PALLD: variants seen among roughly 807,000 people sequenced by gnomAD.
PALLD encodes the protein palladin.
PALLD carries 61 observed loss-of-function variants against 123.5 expected under a neutral mutation model. The ratio of observed to expected loss-of-function variants is 0.49; its 90% CI spans 0.40 to 0.61. The LOEUF is 0.61. Among genes scored for constraint, PALLD ranks in the 20% least tolerant of loss-of-function variants. The pLI, the probability that PALLD is intolerant of heterozygous loss-of-function variation, is 0.00. For synonymous variants in PALLD, 465 were observed against 496.4 expected, an observed-to-expected ratio of 0.94 and a Z score of 0.84; for missense variants, 1,273 against 1,377.0, an observed-to-expected ratio of 0.92 and a Z score of 1.20.
intron 10 of PALLD, among the ~76,000 whole-genome samples, chr4:168,856,314 T>C (rs532322986): frequency 3.3e-5 from 5 of 152,346 alleles, no homozygotes; most frequent in African/African-American, 7.2e-5. Flanking sequence ...AGTGTACATG[T>C]ACCATGTGGG....
chr4:168,816,826 G>C (rs1298406340), intron 10 of PALLD, among the ~76,000 whole-genome samples: 3 of 10,662 alleles, frequency 2.8e-4, no homozygotes, highest in African/African-American at 1.4e-3. Context: ...CCGTGTGTGT[G>C]TGTGTGTGTG....
At chr4:168,806,255 G>A (rs765719756) in intron 10 of PALLD, among the ~76,000 whole-genome samples, 19 of 152,116 alleles carry the variant, frequency 1.2e-4, no homozygotes, top group Non-Finnish European at 2.8e-4. Flanking sequence ...GTAGAGACAG[G>A]GTTTCACCAC....
chr4:168,854,642 G>A (rs560029007), intron 10 of PALLD, among the ~76,000 whole-genome samples: 58 of 152,294 alleles, frequency 3.8e-4, no homozygotes, highest in Non-Finnish European at 1.2e-4. Flanking sequence ...CACCAAGGTA[G>A]GAAATGGCCC....
rs1278658440 is a variant in PALLD at position 168,844,686 on chromosome 4, T to C, written c.1965-46236T>C. 1 of 152,222 alleles carries C rather than the reference T, an allele frequency of 6.6e-6. No individual in the cohort carries two copies. The highest frequency in any genetic ancestry group is 1.9e-4 in the East Asian group (1 of 5,202). 9.4% of individuals were successfully genotyped at this position (152,222 alleles called of 1,614,324 possible). A position where few individuals can be genotyped will look rare whatever the true frequency, so the allele number is the denominator to read the frequency against. On this transcript the variant is annotated intron_variant, in intron 10 of 21. Transcript: ENST00000505667. The surrounding 1 kb of genome is among the most constrained non-coding windows in gnomAD (Gnocchi z 4.5). ...GGACTCTGGCATCCCACAGCGTATC[T>C]TCCCTGCCAACTTCCTAATAAAGGG...
intron 1 of PALLD, among the ~76,000 whole-genome samples, chr4:168,508,978 C>T (rs577627403): frequency 1.3e-5 from 2 of 152,230 alleles, no homozygotes; most frequent in African/African-American, 4.8e-5. Flanking sequence ...AACTATAAAA[C>T]GTTTTGCAAT....
chr4:168,891,426 G>A (rs1350875975), intron 11 of PALLD, among the ~76,000 whole-genome samples: 1 of 152,146 alleles, frequency 6.6e-6, no homozygotes, highest in Non-Finnish European at 1.5e-5. Flanking sequence ...CTCCCAAAGT[G>A]CTGGAATTAC....
chr4:168,575,080 C>A (rs1440340741), intron 2 of PALLD, among the ~76,000 whole-genome samples: 2 of 152,096 alleles, frequency 1.3e-5, no homozygotes, highest in African/African-American at 4.8e-5. Flanking sequence ...AGGTGTCTGC[C>A]ACCAGCTGAA....
At chr4:168,610,412 G>A (rs1044923889) in intron 2 of PALLD, among the ~76,000 whole-genome samples, 1 of 152,166 alleles carries the variant, frequency 6.6e-6, no homozygotes, top group South Asian at 2.1e-4. Context: ...GTAGGGCATT[G>A]CCCCATTCCC....
intron 10 of PALLD, among the ~76,000 whole-genome samples, chr4:168,868,820 G>A (rs1034919067): frequency 1.3e-5 from 2 of 152,212 alleles, no homozygotes; most frequent in African/African-American, 2.4e-5. Flanking sequence ...AAAAGTGGCT[G>A]TAGAACAGTG....
intron 10 of PALLD, among the ~76,000 whole-genome samples, chr4:168,745,041 C>G (rs1287821663): frequency 6.6e-6 from 1 of 152,162 alleles, no homozygotes; most frequent in Non-Finnish European, 1.5e-5. Flanking sequence ...CAGCTGGAAT[C>G]CTGACTCTAC....
intron 15 of PALLD, among the ~76,000 whole-genome samples, chr4:168,913,222 C>T (rs1258300569): frequency 1.3e-5 from 2 of 151,398 alleles, no homozygotes; most frequent in Non-Finnish European, 2.9e-5. Flanking sequence ...CTGCAACCTC[C>T]GCCTCCCGGG....
intron 15 of PALLD, among the ~76,000 whole-genome samples, chr4:168,906,075 T>A (rs181079845): frequency 7.9e-5 from 12 of 152,326 alleles, no homozygotes; most frequent in South Asian, 4.1e-4. Flanking sequence ...TCTGCCTGTT[T>A]AAGAAAATGG....
Position 168,668,376 on chromosome 4 carries a change from G to T in PALLD, c.1087+8G>T. 6.3e-7 allele frequency: 1 copy of T among 1,592,648 alleles called. No homozygotes were observed. Among genetic ancestry groups the T allele is most frequent in the Non-Finnish European group, 8.6e-7 (1 of 1,167,074 alleles). Reference sequence around the variant, plus strand: ...CTGAGGTGTTCATTGAAGGTAAGGAGGGGTGCCTGGTAATGGGGGATAAAG... The same window carrying T: ...CTGAGGTGTTCATTGAAGGTAAGGATGGGTGCCTGGTAATGGGGGATAAAG... On this transcript the variant is annotated splice_region_variant and intron_variant, in intron 3 of 21. Coordinates refer to ENST00000505667, the MANE Select transcript of PALLD (RefSeq NM_001166108.2).
At chr4:168,726,160 T>A (rs1390302562) in intron 10 of PALLD, among the ~76,000 whole-genome samples, 1 of 152,224 alleles carries the variant, frequency 6.6e-6, no homozygotes, top group Non-Finnish European at 1.5e-5. Flanking sequence ...GTGGTTATTA[T>A]CATAATTAAG....
intron 2 of PALLD, among the ~76,000 whole-genome samples, chr4:168,590,194 T>C (rs1580456559): frequency 6.6e-6 from 1 of 152,286 alleles, no homozygotes; most frequent in East Asian, 1.9e-4. Context: ...AAAGAAAAAT[T>C]AGCTTGCCGT....
At chr4:168,893,300 T>C (rs1196963776) in intron 11 of PALLD, among the ~76,000 whole-genome samples, 1 of 152,224 alleles carries the variant, frequency 6.6e-6, no homozygotes, top group Non-Finnish European at 1.5e-5. Flanking sequence ...TTTAATAACA[T>C]AGTGGACTCA....
chr4:168,925,719 A>G (rs1762454899), intron 21 of PALLD, among the ~76,000 whole-genome samples: 1 of 152,238 alleles, frequency 6.6e-6, no homozygotes. Context: ...AATTTATTTA[A>G]GAATTTATTT....
intron 10 of PALLD, among the ~76,000 whole-genome samples, chr4:168,792,967 A>ATGGT (rs1737751025): frequency 6.6e-6 from 1 of 151,476 alleles, no homozygotes; most frequent in African/African-American, 2.4e-5. Flanking sequence ...GGGTCTCACC[A>ATGGT]TGTTGGCCAA....
At chr4:168,852,688 T>C (rs1747978449) in intron 10 of PALLD, among the ~76,000 whole-genome samples, 1 of 152,190 alleles carries the variant, frequency 6.6e-6, no homozygotes, top group African/African-American at 2.4e-5. Flanking sequence ...TACAAGAGTG[T>C]AGTTGCTCTT....
Sources: gnomAD v4.1 joint callset for allele counts (sites outside exome capture counted in the v4.1 genomes callset) on GRCh38, gnomAD v4.1.1 for gene constraint, Gnocchi (gnomAD v3.1) non-coding constraint, MANE v1.5 for transcripts, NCBI Gene and HGNC (gene_info 2026-07-23, HGNC 2026-07-21) for gene names.